The following FDCSP variants were observed in gnomAD, a reference collection of about 807,000 sequenced individuals.
The protein encoded by FDCSP is follicular dendritic cell secreted peptide.
In FDCSP, 8 loss-of-function variants were observed where a neutral mutation model predicts 8.9. The observed-to-expected ratio is 0.90, with a 90% confidence interval of 0.53 to 1.63. The LOEUF is 1.63. FDCSP is among the 40% of genes most tolerant of loss of function. The probability of loss-of-function intolerance (pLI) is 0.00; values close to 1 mark genes in which losing one functional copy is unlikely to be tolerated. For missense variants in FDCSP, 101 were observed against 103.6 expected, an observed-to-expected ratio of 0.98 and a Z score of 0.11; for synonymous variants, 34 against 34.5, an observed-to-expected ratio of 0.98 and a Z score of 0.06.
At chr4:70,231,357 C>G (rs1251123562) in intron 2 of FDCSP, 106 bp downstream of exon 2, 1 of 887,764 alleles carries the variant, frequency 1.1e-6, no homozygotes, top group African/African-American at 1.7e-5. Flanking sequence ...AAGATTATAA[C>G]AGAGCTACCA....
rs184148368 is a variant in FDCSP at position 70,228,152 on chromosome 4, T to G, written c.-1+1970T>G. On this transcript the variant is annotated intron_variant, in intron 1 of 4. Coordinates refer to ENST00000317987, the MANE Select transcript of FDCSP (RefSeq NM_152997.4). ...TTTCTTTCAAAATGGGACTCAACCCTTGCAAACCCTGCCACTGCTTTATCA... is the reference window on the plus strand; with the variant it reads ...TTTCTTTCAAAATGGGACTCAACCCGTGCAAACCCTGCCACTGCTTTATCA... Among the ~76,000 whole-genome samples, 537 of 151,930 alleles carry G rather than the reference T, an allele frequency of 3.5e-3. 1 individual carries two copies. Among genetic ancestry groups the G allele is most frequent in the Admixed American group, 5.4e-3 (82 of 15,204 alleles).
intron 1 of FDCSP, 75 bp downstream of exon 1, chr4:70,226,257 T>G (rs1458657148): frequency 6.6e-6 from 1 of 151,972 alleles, no homozygotes; most frequent in African/African-American, 2.4e-5. Context: ...ATAGCATCTC[T>G]CCATATATTT....
intron 2 of FDCSP, among the ~76,000 whole-genome samples, chr4:70,232,012 G>C (rs1481694769): frequency 6.6e-6 from 1 of 151,760 alleles, no homozygotes; most frequent in Non-Finnish European, 1.5e-5. Flanking sequence ...AAGTATTTTT[G>C]TACAGCTGTA....
intron 2 of FDCSP, among the ~76,000 whole-genome samples, chr4:70,231,624 C>CA (rs1263886951): frequency 3.3e-5 from 5 of 151,746 alleles, no homozygotes; most frequent in Non-Finnish European, 7.4e-5. Context: ...GAATAGAGCA[C>CA]AAAAAATTAT....
At chr4:70,232,302 C>A (rs1375147932) in intron 2 of FDCSP, among the ~76,000 whole-genome samples, 5 of 151,442 alleles carry the variant, frequency 3.3e-5, no homozygotes, top group Admixed American at 2.6e-4. Flanking sequence ...TAAAGGATAC[C>A]ATTTTCCATC....
chr4:70,229,565 C>T (rs185751022), intron 1 of FDCSP, among the ~76,000 whole-genome samples: 6 of 151,672 alleles, frequency 4.0e-5, no homozygotes, highest in South Asian at 4.1e-4. Context: ...AGGAGACATG[C>T]GACTCTTCCT....
At chr4:70,226,354 T>C (rs1261550559) in intron 1 of FDCSP, among the ~76,000 whole-genome samples, 172 bp downstream of exon 1, 1 of 151,886 alleles carries the variant, frequency 6.6e-6, no homozygotes, top group Non-Finnish European at 1.5e-5. Flanking sequence ...AAAACCATTT[T>C]TAGTATTCTG....
At chr4:70,234,997 T>C (rs563561719) in intron 4 of FDCSP, 88 bp from the exon 5 acceptor site, 1 of 151,762 alleles carries the variant, frequency 6.6e-6, no homozygotes, top group South Asian at 2.1e-4. Context: ...TTTAAGCCAA[T>C]AGTTGTCATT....
At chr4:70,234,432 C>T (rs144610523) in intron 4 of FDCSP, among the ~76,000 whole-genome samples, 70 of 151,652 alleles carry the variant, frequency 4.6e-4, no homozygotes, top group African/African-American at 1.5e-3. Flanking sequence ...TAAATCCCTC[C>T]TTGGTTGTGA....
intron 1 of FDCSP, among the ~76,000 whole-genome samples, chr4:70,230,161 A>G (rs576352569): frequency 6.6e-6 from 1 of 151,616 alleles, no homozygotes; most frequent in African/African-American, 2.4e-5. Context: ...ATTTCAAGTA[A>G]AGTCCCCTAG....
rs115022658 is a variant in FDCSP at position 70,234,091 on chromosome 4, A to G, written c.162A>G (p.Pro54=). The G allele has an allele frequency of 6.2e-6, 10 of 1,611,460 alleles. No homozygotes were observed. The highest frequency in any genetic ancestry group is 8.5e-6 in the Non-Finnish European group (10 of 1,178,384). The part of the protein sequence containing the change: ...FPYPYPFRPL[P]PIPFPRFPWF... ...ACCCATATCCATTTCGCCCACTTCCACCAATTCCATTTCCAAGATTTCCAT... is the reference window on the plus strand; with the variant it reads ...ACCCATATCCATTTCGCCCACTTCCGCCAATTCCATTTCCAAGATTTCCAT... Residue 54 remains proline (P), a synonymous_variant, in exon 4 of 5, where the codon CCA becomes CCG. Transcript: ENST00000317987.
At chr4:70,227,969 G>A (rs975384920) in intron 1 of FDCSP, among the ~76,000 whole-genome samples, 3 of 151,718 alleles carry the variant, frequency 2.0e-5, no homozygotes, top group Non-Finnish European at 2.9e-5. Context: ...AATGATCAGG[G>A]TGATGGTTCC....
chr4:70,229,263 T>C (rs1191121871), intron 1 of FDCSP, among the ~76,000 whole-genome samples: 1 of 151,774 alleles, frequency 6.6e-6, no homozygotes, highest in Non-Finnish European at 1.5e-5. Flanking sequence ...TCAATCTTTG[T>C]ATAATTAAAG....
At chr4:70,232,368 G>A (rs552552996) in intron 2 of FDCSP, among the ~76,000 whole-genome samples, 11 of 151,640 alleles carry the variant, frequency 7.3e-5, no homozygotes, top group African/African-American at 2.4e-4. Context: ...TCTTAGATAT[G>A]TTTAGATATA....
intron 1 of FDCSP, among the ~76,000 whole-genome samples, chr4:70,227,863 C>T (rs1006207833): frequency 3.3e-5 from 5 of 151,746 alleles, no homozygotes; most frequent in East Asian, 1.9e-4. Flanking sequence ...TTAAAACATA[C>T]TTTATTGCTC....
chr4:70,233,159 C>A, intron 3 of FDCSP, 133 bp downstream of exon 3: 1 of 676,216 alleles, frequency 1.5e-6, no homozygotes, highest in Non-Finnish European at 2.4e-6. Flanking sequence ...TATTAGCACT[C>A]AACAGAGGTT....
intron 3 of FDCSP, 81 bp downstream of exon 3, chr4:70,233,107 TA>T: frequency 8.1e-7 from 1 of 1,240,622 alleles, no homozygotes; most frequent in Non-Finnish European, 1.1e-6. Context: ...TTGATTTATC[TA>T]AACCTCCCAA....
At chr4:70,230,137 C>A (rs1431199054) in intron 1 of FDCSP, among the ~76,000 whole-genome samples, 1 of 151,556 alleles carries the variant, frequency 6.6e-6, no homozygotes, top group Non-Finnish European at 1.5e-5. Context: ...AATAAATTAA[C>A]AAATATGAGG....
intron 4 of FDCSP, among the ~76,000 whole-genome samples, chr4:70,234,789 A>G (rs555434344): frequency 6.6e-6 from 1 of 151,148 alleles, no homozygotes; most frequent in Non-Finnish European, 1.5e-5. Flanking sequence ...AATATAATCT[A>G]TACTATAGAC....
Sources: gnomAD v4.1 joint callset for allele counts (sites outside exome capture counted in the v4.1 genomes callset) on GRCh38, gnomAD v4.1.1 for gene constraint, MANE v1.5 for transcripts, NCBI Gene and HGNC (gene_info 2026-07-23, HGNC 2026-07-21) for gene names.